Variants in SPMIP11 observed in about 807,000 individuals in gnomAD.
The protein encoded by SPMIP11 is long intergenic non-protein coding RNA 935.
the SPMIP11 span, among the ~76,000 whole-genome samples, chr12:48,743,432 A>G: frequency 6.6e-6 from 1 of 152,180 alleles, no homozygotes; most frequent in Non-Finnish European, 1.5e-5. Flanking sequence ...ATTAAATTAC[A>G]AAATTGCAGG....
At chr12:48,745,220 G>C in the SPMIP11 span, among the ~76,000 whole-genome samples, 814 of 151,836 alleles carry the variant, frequency 5.4e-3, 8 homozygotes, top group African/African-American at 0.019. Flanking sequence ...CAAGCTTGCA[G>C]TGAGCCGAGA....
the SPMIP11 span, among the ~76,000 whole-genome samples, chr12:48,742,678 G>A: frequency 6.6e-6 from 1 of 151,970 alleles, no homozygotes; most frequent in Admixed American, 6.6e-5. Context: ...GAGGTCAGGA[G>A]TTCGAGACCA....
chr12:48,749,346 T>G, the SPMIP11 span, among the ~76,000 whole-genome samples: 1 of 151,856 alleles, frequency 6.6e-6, no homozygotes, highest in African/African-American at 2.4e-5. Flanking sequence ...TTGTCTGTTT[T>G]GGCTGGGCGC....
At chr12:48,765,394 C>G in the SPMIP11 span, among the ~76,000 whole-genome samples, 26 of 152,208 alleles carry the variant, frequency 1.7e-4, no homozygotes, top group Non-Finnish European at 3.2e-4. Flanking sequence ...CCGTGACCGG[C>G]TAATTTTTGT....
chr12:48,759,300 C>A, the SPMIP11 span: 2 of 702,942 alleles, frequency 2.8e-6, no homozygotes, highest in East Asian at 2.7e-5. Context: ...CAAGATACCA[C>A]GAAGCTGTCC....
chr12:48,736,754 T>C, the SPMIP11 span, among the ~76,000 whole-genome samples: 2 of 151,902 alleles, frequency 1.3e-5, no homozygotes, highest in African/African-American at 4.8e-5. Context: ...GCCAAGAAGC[T>C]TTATAAGAAT....
chr12:48,747,617 A>T, the SPMIP11 span, among the ~76,000 whole-genome samples: 1 of 152,210 alleles, frequency 6.6e-6, no homozygotes, highest in Non-Finnish European at 1.5e-5. Flanking sequence ...TTCTAATGCC[A>T]CTATCCTTTT....
At chr12:48,745,857 T>C in the SPMIP11 span, among the ~76,000 whole-genome samples, 1 of 152,182 alleles carries the variant, frequency 6.6e-6, no homozygotes, top group Non-Finnish European at 1.5e-5. Context: ...TGGGTGTATA[T>C]CTACATGCAC....
At chr12:48,758,602 A>G in the SPMIP11 span, among the ~76,000 whole-genome samples, 1 of 152,230 alleles carries the variant, frequency 6.6e-6, no homozygotes, top group Non-Finnish European at 1.5e-5. Flanking sequence ...TTTGCTTCAT[A>G]GGGAGTGATT....
chr12:48,744,965 T>A, the SPMIP11 span, among the ~76,000 whole-genome samples: 3 of 151,964 alleles, frequency 2.0e-5, no homozygotes, highest in Admixed American at 6.6e-5. Context: ...CACTGGCAGA[T>A]CAAATTTAAA....
chr12:48,754,623 T>A, the SPMIP11 span, among the ~76,000 whole-genome samples: 1 of 151,912 alleles, frequency 6.6e-6, no homozygotes, highest in Non-Finnish European at 1.5e-5. Context: ...GCTAATTTTT[T>A]GTATTTTTAG....
At chr12:48,739,817 C>T in the SPMIP11 span, among the ~76,000 whole-genome samples, 2 of 152,140 alleles carry the variant, frequency 1.3e-5, no homozygotes, top group South Asian at 2.1e-4. Context: ...GATTACAATT[C>T]GACACGAGGT....
At chr12:48,757,867 G>T in the SPMIP11 span, among the ~76,000 whole-genome samples, 1 of 151,714 alleles carries the variant, frequency 6.6e-6, no homozygotes, top group Non-Finnish European at 1.5e-5. Flanking sequence ...GGTGGCACAC[G>T]CTGGTAATCC....
At chr12:48,741,221 T>C in the SPMIP11 span, among the ~76,000 whole-genome samples, 1 of 151,796 alleles carries the variant, frequency 6.6e-6, no homozygotes, top group African/African-American at 2.4e-5. Flanking sequence ...CTGGCTAATT[T>C]TGCATTTTTA....
At chr12:48,762,628 A>G in the SPMIP11 span, among the ~76,000 whole-genome samples, 2 of 151,898 alleles carry the variant, frequency 1.3e-5, no homozygotes. Flanking sequence ...TCGGCCTCCC[A>G]AAGTGCTGGA....
chr12:48,750,813 G>C, the SPMIP11 span, among the ~76,000 whole-genome samples: 5 of 152,132 alleles, frequency 3.3e-5, no homozygotes, highest in Admixed American at 2.6e-4. Flanking sequence ...TTTGTCTCCA[G>C]AATGGTTCCC....
chr12:48,734,138 T>C, the SPMIP11 span, among the ~76,000 whole-genome samples: 2 of 152,074 alleles, frequency 1.3e-5, no homozygotes, highest in Admixed American at 1.3e-4. Context: ...AGGGTCTTGC[T>C]CTGTCACCCA....
At chr12:48,749,695 CTTTT>C in the SPMIP11 span, among the ~76,000 whole-genome samples, 2 of 116,644 alleles carry the variant, frequency 1.7e-5, no homozygotes, top group African/African-American at 3.1e-5. Context: ...TCTTCTTCTT[CTTTT>C]TTTTTTTTTC....
At chr12:48,741,971 C>A in the SPMIP11 span, among the ~76,000 whole-genome samples, 1 of 152,200 alleles carries the variant, frequency 6.6e-6, no homozygotes, top group Non-Finnish European at 1.5e-5. Flanking sequence ...CTTTCACCCA[C>A]TGATTTTAGT....
Sources: allele counts gnomAD v4.1 joint callset (sites outside exome capture counted in the v4.1 genomes callset), GRCh38; gene constraint gnomAD v4.1.1; transcripts MANE v1.5; gene names NCBI Gene and HGNC (gene_info 2026-07-23, HGNC 2026-07-21).